Variants in HLCS observed in about 807,000 individuals in gnomAD.
HLCS encodes the protein holocarboxylase synthetase, also known as biotin--protein ligase.
HLCS carries 53 observed loss-of-function variants against 75.0 expected under a neutral mutation model. The observed-to-expected ratio is 0.71, with a 90% confidence interval of 0.57 to 0.89. The LOEUF is 0.89. HLCS is among the 40% of genes least tolerant of loss of function. The pLI, the probability that HLCS is intolerant of heterozygous loss-of-function variation, is 0.00. For synonymous variants in HLCS, 431 were observed against 428.6 expected (o/e 1.01, Z -0.07); for missense variants, 966 against 1,074.0 (o/e 0.90, Z 1.41).
chr21:36,970,435 G>C (rs957383531), upstream of HLCS, among the ~76,000 whole-genome samples: 3 of 151,818 alleles, frequency 2.0e-5, no homozygotes, highest in African/African-American at 7.3e-5. Context: ...GTTTTACCCT[G>C]TTGCCCAGGC....
intron 6 of HLCS, among the ~76,000 whole-genome samples, chr21:36,789,691 CACA>C (rs1208788519): frequency 6.6e-6 from 1 of 152,250 alleles, no homozygotes; most frequent in African/African-American, 2.4e-5. Flanking sequence ...CACATACTAA[CACA>C]ACGATTGCCA....
At chr21:36,891,501 A>G (rs1004466681) in intron 6 of HLCS, among the ~76,000 whole-genome samples, 1 of 152,168 alleles carries the variant, frequency 6.6e-6, no homozygotes, top group Non-Finnish European at 1.5e-5. Flanking sequence ...GCAGCCTGAT[A>G]TGGAGGAGAT....
chr21:36,823,610 G>GGGGTGTGT lies in HLCS; in HGVS notation c.1893-56326_1893-56325insACACACCC, dbSNP rs372824950. Among the ~76,000 whole-genome samples the GGGGTGTGT allele has an allele frequency of 3.1e-3, 406 of 132,828 alleles. 2 individuals are homozygous for GGGGTGTGT. Among genetic ancestry groups the GGGGTGTGT allele is most frequent in the African/African-American group, 9.2e-3 (330 of 35,886 alleles). 87.1% of individuals were successfully genotyped at this position (132,828 alleles called of 152,430 possible). On this transcript the variant is annotated intron_variant, in intron 6 of 10. Coordinates refer to ENST00000674895, the MANE Select transcript of HLCS (RefSeq NM_001352514.2). ...CCATTTACCAGCTTCAAACGTGCAG[G>GGGGTGTGT]GTGTGTGTGTGTGTGTGTGTGTGTG...
Position 36,759,782 on chromosome 21 carries a change from G to A in HLCS, c.2181C>T (p.Ile727=), listed in dbSNP as rs375456567. 1.8e-5 allele frequency: 29 copies of A among 1,613,542 alleles called. No homozygotes were observed. Among genetic ancestry groups the A allele is most frequent in the Middle Eastern group, 1.6e-4 (1 of 6,062 alleles). Residue 727 remains isoleucine (I), a synonymous_variant, in exon 9 of 11, where the codon ATC becomes ATT. Transcript: ENST00000674895. ...NDIYYSDLMK[I]GGVLVNSTLM... ...GTGTTGAGTTAACCAGAACTCCGCCGATCTTCATGAGGTCACTGTAATAAA... is the reference window on the plus strand; with the variant it reads ...GTGTTGAGTTAACCAGAACTCCGCCAATCTTCATGAGGTCACTGTAATAAA...
At chr21:36,785,486 T>C (rs556060699) in intron 6 of HLCS, among the ~76,000 whole-genome samples, 6 of 152,214 alleles carry the variant, frequency 3.9e-5, no homozygotes, top group Non-Finnish European at 8.8e-5. Context: ...CCTTGAGACC[T>C]GGGTGGATTC....
intron 6 of HLCS, chr21:36,851,898 T>C (rs1871316881): frequency 6.6e-6 from 1 of 152,180 alleles, no homozygotes; most frequent in Non-Finnish European, 1.5e-5. Context: ...AGGAAAAAGG[T>C]AGAAAAACAG....
chr21:36,941,507 T>C (rs1675135834), intron 2 of HLCS, among the ~76,000 whole-genome samples: 3 of 152,146 alleles, frequency 2.0e-5, no homozygotes, highest in African/African-American at 7.2e-5. Flanking sequence ...TGGACAAGGG[T>C]GCCAAGACAA....
chr21:36,838,708 G>GAA (rs55987643), intron 6 of HLCS, among the ~76,000 whole-genome samples: 4 of 107,572 alleles, frequency 3.7e-5, no homozygotes, highest in Admixed American at 2.0e-4. Flanking sequence ...CGTCTCAAAA[G>GAA]AAAAAAAAAA....
intron 6 of HLCS, among the ~76,000 whole-genome samples, chr21:36,800,533 C>CTAT (rs1218004559): frequency 6.6e-6 from 1 of 152,072 alleles, no homozygotes; most frequent in Non-Finnish European, 1.5e-5. Context: ...TGGAGCAGCA[C>CTAT]TATTATTAAC....
In HLCS at chr21:36,981,051, G is replaced by A. The variant is rs8130102; in HGVS notation, c.-393+9107C>T. 127,384 of 152,360 alleles carry A rather than the reference G, an allele frequency of 0.84. 53,326 individuals are homozygous for A. The highest frequency in any genetic ancestry group is 0.95 in the East Asian group (4,904 of 5,170). 9.4% of individuals were successfully genotyped at this position (152,360 alleles called of 1,614,324 possible). A position where few individuals can be genotyped will look rare whatever the true frequency, so the allele number is the denominator to read the frequency against. On this transcript the variant is annotated intron_variant, in intron 1 of 11. Transcript: ENST00000336648. ...CCCAGGGAGGTATGGCCTGCCCCCTGGCCAGGTGGGCCCCTTCCACGCTCG... is the reference window on the plus strand; with the variant it reads ...CCCAGGGAGGTATGGCCTGCCCCCTAGCCAGGTGGGCCCCTTCCACGCTCG...
At chr21:36,767,834 C>T (rs2090094930) in intron 6 of HLCS, among the ~76,000 whole-genome samples, 1 of 152,174 alleles carries the variant, frequency 6.6e-6, no homozygotes, top group African/African-American at 2.4e-5. Context: ...TAAATAAATC[C>T]ACACCTTCTG....
chr21:36,987,932 G>A (rs111569077), intron 1 of HLCS, among the ~76,000 whole-genome samples: 2,158 of 152,280 alleles, frequency 0.014, 29 homozygotes, highest in Middle Eastern at 0.058. Context: ...TTACACACAG[G>A]TGGATAGTCA....
At chr21:36,836,926 T>C (rs2062433092) in intron 6 of HLCS, among the ~76,000 whole-genome samples, 1 of 152,166 alleles carries the variant, frequency 6.6e-6, no homozygotes, top group African/African-American at 2.4e-5. Context: ...GGTTCACGCC[T>C]GTAATCCAGC....
chr21:36,750,805 C>T lies in HLCS; in HGVS notation c.*3441G>A, dbSNP rs1313934430. 6.6e-6 allele frequency: 1 copy of T among 150,748 alleles called. No homozygotes were observed. Among genetic ancestry groups the T allele is most frequent in the Non-Finnish European group, 1.5e-5 (1 of 67,820 alleles). The allele number at this position is 150,748 out of a possible 1,614,324, so 9.3% of individuals were successfully genotyped here. On this transcript the variant is annotated 3_prime_UTR_variant, in exon 11 of 11. Transcript: ENST00000674895. ...TAAGTATGACATATAAGATTAAAAT[C>T]TTGGGGGGAAAAACTGTTCAGATGA...
chr21:36,960,288 T>A (rs187012423), intron 2 of HLCS, among the ~76,000 whole-genome samples: 176 of 151,884 alleles, frequency 1.2e-3, no homozygotes, highest in Middle Eastern at 3.4e-3. Context: ...GCACAAGCAA[T>A]ACTTAGGCAG....
chr21:36,759,636 T>C, intron 9 of HLCS, 91 bp downstream of exon 9: 1 of 782,354 alleles, frequency 1.3e-6, no homozygotes, highest in Non-Finnish European at 2.3e-6. Context: ...TATGATAATC[T>C]GCTCCTGCCA....
intron 2 of HLCS, among the ~76,000 whole-genome samples, chr21:36,943,002 C>CGAA (rs2067220484): frequency 6.6e-6 from 1 of 151,808 alleles, no homozygotes; most frequent in Non-Finnish European, 1.5e-5. Context: ...ACATCAGTCA[C>CGAA]GAAGGAAATG....
At chr21:36,832,021 C>T (rs957563766) in intron 6 of HLCS, among the ~76,000 whole-genome samples, 4 of 152,014 alleles carry the variant, frequency 2.6e-5, no homozygotes, top group African/African-American at 4.8e-5. Flanking sequence ...TCCATCACCA[C>T]GGTGGAAGGG....
chr21:36,913,057 G>T (rs1456897794), intron 5 of HLCS, among the ~76,000 whole-genome samples: 1 of 152,142 alleles, frequency 6.6e-6, no homozygotes, highest in Non-Finnish European at 1.5e-5. Flanking sequence ...GCACTGCTGG[G>T]TGCTGTGGAC....
Sources: allele counts gnomAD v4.1 joint callset (sites outside exome capture counted in the v4.1 genomes callset), GRCh38; gene constraint gnomAD v4.1.1; transcripts MANE v1.5; gene names NCBI Gene and HGNC (gene_info 2026-07-23, HGNC 2026-07-21).